The following ATP2C1 variants were observed in gnomAD, a reference collection of about 807,000 sequenced individuals.
ATP2C1 encodes the protein ATPase secretory pathway Ca2+ transporting 1.
Under a neutral mutation model 120.5 loss-of-function variants are expected in ATP2C1, and 31 were observed. That is an observed-to-expected ratio of 0.26 (90% CI 0.19 to 0.35). The LOEUF (loss-of-function observed/expected upper bound fraction) is 0.35, where lower values mean the gene tolerates loss of function less well. Ranked by LOEUF, ATP2C1 falls within the 10% of genes least tolerant of loss-of-function variation. The pLI, the probability that ATP2C1 is intolerant of heterozygous loss-of-function variation, is 1.00. For synonymous variants in ATP2C1, 351 were observed against 358.7 expected (o/e 0.98, Z 0.24); for missense variants, 731 against 1,107.5 (o/e 0.66, Z 4.83).
chr3:130,916,224 G>A (rs1193259253), intron 2 of ATP2C1, among the ~76,000 whole-genome samples: 2 of 150,562 alleles, frequency 1.3e-5, no homozygotes, highest in African/African-American at 2.4e-5. Flanking sequence ...TGGGCAACAC[G>A]GTGAAACCCT....
chr3:130,941,528 T>C, intron 7 of ATP2C1, 63 bp from the exon 8 acceptor site: 1 of 1,400,414 alleles, frequency 7.1e-7, no homozygotes, highest in Non-Finnish European at 1.0e-6. Flanking sequence ...GGAAATAATT[T>C]TTTAAGACAA....
chr3:130,993,281 C>T (rs974723789), intron 21 of ATP2C1, among the ~76,000 whole-genome samples: 4 of 152,154 alleles, frequency 2.6e-5, no homozygotes, highest in African/African-American at 9.7e-5. Context: ...ATAGCCGAGT[C>T]ATCCCAGCGT....
chr3:130,884,834 G>T (rs1351697636), intron 1 of ATP2C1, among the ~76,000 whole-genome samples: 1 of 149,610 alleles, frequency 6.7e-6, no homozygotes, highest in African/African-American at 2.5e-5. Context: ...GCTCTTTTTT[G>T]GCTTCCATTG....
chr3:130,963,810 T>C, intron 12 of ATP2C1, 161 bp from the exon 13 acceptor site: 1 of 789,716 alleles, frequency 1.3e-6, no homozygotes, highest in Non-Finnish European at 2.0e-6. Flanking sequence ...CTACTAGGTA[T>C]CCAGTAAATG....
At chr3:130,934,540 T>C (rs767093129) in intron 4 of ATP2C1, 82 bp from the exon 5 acceptor site, 46 of 896,292 alleles carry the variant, frequency 5.1e-5, no homozygotes, top group East Asian at 1.2e-4. Flanking sequence ...CATGCTCTTA[T>C]GGTTTTTTTT....
intron 26 of ATP2C1, among the ~76,000 whole-genome samples, chr3:131,011,202 C>T (rs1318555380): frequency 6.6e-6 from 1 of 152,084 alleles, no homozygotes; most frequent in Non-Finnish European, 1.5e-5. Flanking sequence ...GCATGAAAGA[C>T]CTGTGATTAT....
chr3:130,959,131 A>G, intron 11 of ATP2C1, 144 bp from the exon 12 acceptor site: 1 of 627,014 alleles, frequency 1.6e-6, no homozygotes. Context: ...CCCCTGTTTA[A>G]TGGATTTTTA....
intron 2 of ATP2C1, among the ~76,000 whole-genome samples, chr3:130,900,658 A>G (rs1051314040): frequency 6.6e-6 from 1 of 152,178 alleles, no homozygotes; most frequent in Non-Finnish European, 1.5e-5. Context: ...TGTGAATTTC[A>G]GAAATTTATC....
chr3:130,938,743 G>T (rs916147366), intron 6 of ATP2C1, among the ~76,000 whole-genome samples: 2 of 152,156 alleles, frequency 1.3e-5, no homozygotes, highest in Non-Finnish European at 2.9e-5. Flanking sequence ...TGACCCACTG[G>T]ACCACTAACT....
intron 2 of ATP2C1, chr3:130,918,909 G>C (rs2058810034): frequency 3.1e-6 from 1 of 321,980 alleles, no homozygotes; most frequent in Non-Finnish European, 6.0e-6. Flanking sequence ...GGAGAATGGC[G>C]TGAACCCGGG....
intron 20 of ATP2C1, among the ~76,000 whole-genome samples, chr3:130,989,247 C>CAAA (rs71133625): frequency 2.6e-4 from 32 of 121,938 alleles, no homozygotes; most frequent in Non-Finnish European, 4.8e-4. Flanking sequence ...AAATCCATCT[C>CAAA]AAAAAAAAAA....
intron 1 of ATP2C1, among the ~76,000 whole-genome samples, chr3:130,855,663 T>C (rs2067814958): frequency 6.6e-6 from 1 of 152,098 alleles, no homozygotes; most frequent in Non-Finnish European, 1.5e-5. Flanking sequence ...TAAGCAGAGA[T>C]GTAGAAAAAG....
intron 26 of ATP2C1, chr3:131,016,118 G>A: frequency 1.9e-6 from 3 of 1,610,010 alleles, no homozygotes; most frequent in Non-Finnish European, 2.5e-6. Context: ...GCTTCCATCT[G>A]AACTAAAGTT....
At chr3:130,964,144 T>A (rs2060946961) in intron 13 of ATP2C1, 49 bp downstream of exon 13, 3 of 1,604,644 alleles carry the variant, frequency 1.9e-6, no homozygotes, top group Non-Finnish European at 2.6e-6. Context: ...TAAGTTTATG[T>A]CAATAGTGAA....
chr3:130,901,623 C>T (rs902335374), intron 2 of ATP2C1, among the ~76,000 whole-genome samples: 1 of 151,896 alleles, frequency 6.6e-6, no homozygotes, highest in Non-Finnish European at 1.5e-5. Context: ...AGGAGTGAGC[C>T]GATTTAGGGG....
intron 2 of ATP2C1, among the ~76,000 whole-genome samples, chr3:130,923,701 C>T (rs1455886443): frequency 6.6e-6 from 1 of 150,506 alleles, no homozygotes; most frequent in Non-Finnish European, 1.5e-5. Context: ...AACCATGTCT[C>T]TACTAAAATA....
intron 1 of ATP2C1, among the ~76,000 whole-genome samples, chr3:130,860,893 T>C (rs1324525343): frequency 1.3e-5 from 2 of 152,340 alleles, no homozygotes; most frequent in East Asian, 3.9e-4. Context: ...ATGAGAAATA[T>C]AGGTGGAAAT....
chr3:130,993,816 ATTAT>A, intron 21 of ATP2C1, 112 bp from the exon 22 acceptor site: 1 of 1,049,978 alleles, frequency 9.5e-7, no homozygotes, highest in Non-Finnish European at 1.4e-6. Flanking sequence ...GGTGGTCTAT[ATTAT>A]TTCTAATCTT....
intron 8 of ATP2C1, among the ~76,000 whole-genome samples, chr3:130,953,326 G>A (rs1223709749): frequency 2.0e-5 from 3 of 151,846 alleles, no homozygotes; most frequent in Non-Finnish European, 4.4e-5. Context: ...TGGAATAAAC[G>A]GCATGTATAA....
Sources: gnomAD v4.1 joint callset for allele counts (sites outside exome capture counted in the v4.1 genomes callset) on GRCh38, gnomAD v4.1.1 for gene constraint, MANE v1.5 for transcripts, NCBI Gene and HGNC (gene_info 2026-07-23, HGNC 2026-07-21) for gene names.